Variants in ACYP2 observed in about 807,000 individuals in gnomAD.
ACYP2 encodes the protein acylphosphatase 2, also known as acylphosphatase-2.
In ACYP2, 12 loss-of-function variants were observed where a neutral mutation model predicts 11.2. The ratio of observed to expected loss-of-function variants is 1.08; its 90% CI spans 0.69 to 1.74. ACYP2 has a LOEUF of 1.74. Ranked by LOEUF, ACYP2 falls within the 40% of genes most tolerant of loss-of-function variation. The pLI is 0.00. For missense variants in ACYP2, 134 were observed against 101.9 expected, an observed-to-expected ratio of 1.31 and a Z score of -1.35; for synonymous variants, 43 against 32.2, an observed-to-expected ratio of 1.33 and a Z score of -1.13.
intron 6 of ACYP2, among the ~76,000 whole-genome samples, chr2:54,244,545 C>T (rs888399672): frequency 2.6e-5 from 4 of 152,166 alleles, no homozygotes; most frequent in Non-Finnish European, 5.9e-5. Context: ...CCCTGTGTAT[C>T]ATACACCAAA....
intron 6 of ACYP2, among the ~76,000 whole-genome samples, chr2:54,236,219 G>A (rs572766319): frequency 1.3e-5 from 2 of 151,992 alleles, no homozygotes; most frequent in Non-Finnish European, 2.9e-5. Flanking sequence ...TACTAAATAG[G>A]TGTGAGCCAC....
intron 4 of ACYP2, among the ~76,000 whole-genome samples, chr2:54,091,848 C>T (rs1210553573): frequency 2.6e-5 from 4 of 152,286 alleles, no homozygotes; most frequent in Non-Finnish European, 4.4e-5. Context: ...TAGATAGAGA[C>T]ATTTCTAGTT....
chr2:54,145,012 G>GT (rs527758978), intron 6 of ACYP2, among the ~76,000 whole-genome samples: 5 of 152,018 alleles, frequency 3.3e-5, no homozygotes, highest in East Asian at 1.9e-4. Context: ...CCTGAATACA[G>GT]TTTTTTTCTT....
intron 6 of ACYP2, among the ~76,000 whole-genome samples, chr2:54,261,376 G>C (rs1457491355): frequency 1.3e-5 from 2 of 152,094 alleles, no homozygotes; most frequent in Admixed American, 6.5e-5. Flanking sequence ...CAGAAATAAA[G>C]ATGTGGAGAA....
chr2:54,004,150 A>AT (rs1672939192), intron 2 of ACYP2, among the ~76,000 whole-genome samples: 1 of 151,400 alleles, frequency 6.6e-6, no homozygotes. Context: ...TGCCCAGCTA[A>AT]TTTTTTTTGT....
chr2:54,209,638 T>C (rs1685241779), intron 6 of ACYP2, among the ~76,000 whole-genome samples: 1 of 152,282 alleles, frequency 6.6e-6, no homozygotes, highest in East Asian at 1.9e-4. Flanking sequence ...CACCGTCCTA[T>C]CTCTTCAGAA....
chr2:54,096,023 C>T (rs377672817), intron 4 of ACYP2, among the ~76,000 whole-genome samples: 1 of 85,980 alleles, frequency 1.2e-5, no homozygotes, highest in African/African-American at 5.1e-5. Flanking sequence ...CCACCTCCCT[C>T]CCGGACGGGG....
Position 54,304,858 on chromosome 2 carries a change from A to G in ACYP2, c.*56A>G, listed in dbSNP as rs915447177. ...ATAGATACTGTATGTTCTTAAGACT[A>G]TGTATACTAGAATAATAGTAGCAGA... is the stretch of plus-strand genomic sequence containing the variant. On this transcript the variant is annotated 3_prime_UTR_variant, in exon 7 of 7. Coordinates refer to ENST00000607452, the MANE Select transcript of ACYP2 (RefSeq NM_001320586.2). The G allele has an allele frequency of 2.3e-4, 213 of 942,332 alleles. No individual in the cohort carries two copies. The highest frequency in any genetic ancestry group is 3.4e-4 in the Middle Eastern group (1 of 2,900). The allele number at this position is 942,332 out of a possible 1,614,324, so 58.4% of individuals were successfully genotyped here.
At chr2:54,126,878 C>T (rs1365456557) in intron 4 of ACYP2, among the ~76,000 whole-genome samples, 1 of 149,426 alleles carries the variant, frequency 6.7e-6, no homozygotes, top group Non-Finnish European at 1.5e-5. Flanking sequence ...AAGTTGGACC[C>T]GGGAGGTGGA....
chr2:54,190,141 T>C (rs1558599565), intron 6 of ACYP2, among the ~76,000 whole-genome samples: 1 of 152,204 alleles, frequency 6.6e-6, no homozygotes, highest in Non-Finnish European at 1.5e-5. Context: ...GCAAATACTT[T>C]TTTCCAATCC....
chr2:54,255,548 G>C (rs890061125), intron 6 of ACYP2: 4 of 1,613,004 alleles, frequency 2.5e-6, no homozygotes, highest in Non-Finnish European at 3.4e-6. Flanking sequence ...AGGGGGTTCA[G>C]GTGGAGACCC....
intron 4 of ACYP2, among the ~76,000 whole-genome samples, chr2:54,102,435 A>G (rs1217787837): frequency 1.3e-5 from 2 of 152,206 alleles, no homozygotes; most frequent in Admixed American, 1.3e-4. Flanking sequence ...GATGTCACAG[A>G]AAGTGCTATC....
chr2:54,133,925 G>A (rs147848800), intron 4 of ACYP2, among the ~76,000 whole-genome samples: 4 of 152,268 alleles, frequency 2.6e-5, no homozygotes, highest in African/African-American at 9.6e-5. Flanking sequence ...TCTGAGATGA[G>A]ACTCCTATAG....
chr2:54,212,472 A>C (rs1685368112), intron 6 of ACYP2, among the ~76,000 whole-genome samples: 1 of 152,132 alleles, frequency 6.6e-6, no homozygotes, highest in African/African-American at 2.4e-5. Context: ...CTTTACTAGG[A>C]CTGGAAAAAC....
intron 4 of ACYP2, among the ~76,000 whole-genome samples, chr2:54,068,254 C>T (rs976775466): frequency 3.9e-5 from 6 of 152,088 alleles, no homozygotes; most frequent in East Asian, 1.9e-4. Flanking sequence ...ATTTGTTGTA[C>T]GCACTCTTTA....
At chr2:54,065,083 C>A (rs1474139297) in intron 4 of ACYP2, among the ~76,000 whole-genome samples, 2 of 148,816 alleles carry the variant, frequency 1.3e-5, no homozygotes, top group Admixed American at 1.3e-4. Context: ...GACTCCATCT[C>A]TAAATAAATA....
At chr2:54,077,826 C>CT (rs1391571542) in intron 4 of ACYP2, among the ~76,000 whole-genome samples, 25 of 152,206 alleles carry the variant, frequency 1.6e-4, no homozygotes, top group Non-Finnish European at 8.8e-5. Flanking sequence ...CTTCTGTGTC[C>CT]TGGCCTAGTG....
intron 6 of ACYP2, among the ~76,000 whole-genome samples, chr2:54,164,456 A>G (rs184429607): frequency 6.6e-6 from 1 of 152,302 alleles, no homozygotes; most frequent in Non-Finnish European, 1.5e-5. Context: ...GATGAATTCA[A>G]ATGACAGACT....
At chr2:54,288,018 C>T (rs1320124276) in intron 6 of ACYP2, among the ~76,000 whole-genome samples, 2 of 151,924 alleles carry the variant, frequency 1.3e-5, no homozygotes, top group South Asian at 2.1e-4. Context: ...TTAATTCCCT[C>T]TGTGGAAAAG....
Sources: allele counts gnomAD v4.1 joint callset (sites outside exome capture counted in the v4.1 genomes callset), GRCh38; gene constraint gnomAD v4.1.1; transcripts MANE v1.5; gene names NCBI Gene and HGNC (gene_info 2026-07-23, HGNC 2026-07-21).